The following GNPTAB variants were observed in gnomAD, a reference collection of about 807,000 sequenced individuals.
GNPTAB encodes the protein N-acetylglucosamine-1-phosphotransferase subunits alpha/beta.
GNPTAB carries 92 observed loss-of-function variants against 136.6 expected under a neutral mutation model. The ratio of observed to expected loss-of-function variants is 0.67; its 90% CI spans 0.57 to 0.80. The LOEUF is 0.80. GNPTAB is among the 30% of genes least tolerant of loss of function. The pLI is 0.00. For synonymous variants in GNPTAB, 512 were observed against 535.1 expected (o/e 0.96, Z 0.60); for missense variants, 1,343 against 1,501.8 (o/e 0.89, Z 1.75).
rs142528472 is a variant in GNPTAB at position 101,803,298 on chromosome 12, A to G, written c.118-6536T>C. Among the ~76,000 whole-genome samples the G allele has an allele frequency of 9.8e-4, 150 of 152,362 alleles. 1 individual carries two copies. Among genetic ancestry groups the G allele is most frequent in the Middle Eastern group, 3.4e-3 (1 of 294 alleles). Reference sequence around the variant, plus strand: ...GAGGCACTAAAAGAAAGACTAAGATATATTAAAGATATTTTAAGCTTTATC... The same window carrying G: ...GAGGCACTAAAAGAAAGACTAAGATGTATTAAAGATATTTTAAGCTTTATC... On this transcript the variant is annotated intron_variant, in intron 1 of 20. Coordinates refer to ENST00000299314, the MANE Select transcript of GNPTAB (RefSeq NM_024312.5).
At chr12:101,783,190 T>C (rs1868441968) in intron 5 of GNPTAB, among the ~76,000 whole-genome samples, 1 of 151,932 alleles carries the variant, frequency 6.6e-6, no homozygotes, top group Admixed American at 6.6e-5. Context: ...GTATCTTCAG[T>C]ACAGGGAACA....
At chr12:101,823,993 A>T (rs1870946175) in intron 1 of GNPTAB, among the ~76,000 whole-genome samples, 2 of 152,190 alleles carry the variant, frequency 1.3e-5, no homozygotes, top group African/African-American at 2.4e-5. Context: ...AGTGTCTTCA[A>T]GACATCTGTT....
chr12:101,792,123 A>G (rs1869030345), intron 2 of GNPTAB, among the ~76,000 whole-genome samples: 2 of 152,208 alleles, frequency 1.3e-5, no homozygotes, highest in African/African-American at 4.8e-5. Context: ...TAGGGAGATC[A>G]GAGATGGCCT....
chr12:101,789,833 A>T, intron 3 of GNPTAB, 105 bp downstream of exon 3: 1 of 1,131,028 alleles, frequency 8.8e-7, no homozygotes, highest in Non-Finnish European at 1.3e-6. Context: ...GTAGTTCATT[A>T]GCATGATGAC....
At position 101,770,563 on chromosome 12, in the gene GNPTAB, G is replaced by A; in HGVS notation, c.956C>T (p.Ser319Phe). The change falls in exon 9 of 21, where the codon TCT becomes TTT. Residue 319 changes from serine to phenylalanine, a missense_variant. By Grantham distance (155) the Ser-to-Phe change is radical. Coordinates refer to ENST00000299314, the MANE Select transcript of GNPTAB (RefSeq NM_024312.5). ...ISQSKQDEDI[S>F]ASRFEDNEEL... ...TTCGTTATCTTCAAAACGACTGGCA[G>A]AGATGTCTTCATCCTGCTTAGACTG... 1 of 1,613,534 alleles carries A rather than the reference G, an allele frequency of 6.2e-7. No homozygotes were observed. Among genetic ancestry groups the A allele is most frequent in the Non-Finnish European group, 8.5e-7 (1 of 1,179,462 alleles).
intron 1 of GNPTAB, among the ~76,000 whole-genome samples, chr12:101,808,006 C>T (rs538846353): frequency 6.6e-6 from 1 of 151,904 alleles, no homozygotes; most frequent in Non-Finnish European, 1.5e-5. Context: ...AGGTTAGCAC[C>T]CCCTGCTAAA....
chr12:101,766,987 A>G (rs998556645), intron 11 of GNPTAB, among the ~76,000 whole-genome samples: 19 of 152,344 alleles, frequency 1.2e-4, no homozygotes, highest in African/African-American at 3.6e-4. Context: ...ACCCCTTGTT[A>G]TCAAATGCTA....
chr12:101,800,556 CA>C (rs1869556886), intron 1 of GNPTAB, among the ~76,000 whole-genome samples: 1 of 122,316 alleles, frequency 8.2e-6, no homozygotes, highest in African/African-American at 3.2e-5. Context: ...GTCAGGAGTT[CA>C]AGATCAGCCT....
intron 19 of GNPTAB, 87 bp downstream of exon 19, chr12:101,753,285 A>C: frequency 8.6e-7 from 1 of 1,158,324 alleles, no homozygotes. Context: ...AAATTTCATA[A>C]AAAAAACATT....
At chr12:101,824,429 TATA>T (rs1566103064) in intron 1 of GNPTAB, among the ~76,000 whole-genome samples, 2 of 96,926 alleles carry the variant, frequency 2.1e-5, no homozygotes, top group African/African-American at 3.8e-5. Flanking sequence ...TATATATATA[TATA>T]TTTTCTTTTT....
intron 20 of GNPTAB, among the ~76,000 whole-genome samples, chr12:101,748,105 A>G (rs1465103469): frequency 1.3e-5 from 2 of 152,156 alleles, no homozygotes; most frequent in African/African-American, 2.4e-5. Flanking sequence ...GAGATTTTTC[A>G]TAAGACTTTT....
At chr12:101,785,860 AAATAC>A in intron 5 of GNPTAB, 147 bp downstream of exon 5, 1 of 656,548 alleles carries the variant, frequency 1.5e-6, no homozygotes. Context: ...GTTAAGGCCA[AAATAC>A]AATAGCAGCT....
rs749088847 is a variant in GNPTAB, at chr12:101,761,628, G to T, written c.2851C>A (p.Arg951=). The stretch of plus-strand genomic sequence containing the variant: ...TGAGGCATGTGAGCAGGGACTTTCC[G>T]CGATGTGAATCCAAACTTGCTATTT... The part of the protein sequence containing the change: ...ILNSKFGFTS[R]KVPAHMPHMI... Residue 951 remains arginine, a synonymous_variant, in exon 14 of 21, where the codon CGG becomes AGG. Coordinates refer to ENST00000299314, the MANE Select transcript of GNPTAB (RefSeq NM_024312.5). 8 of 1,614,096 alleles carry T rather than the reference G, an allele frequency of 5.0e-6. No homozygotes were observed. Among genetic ancestry groups the T allele is most frequent in the Non-Finnish European group, 6.8e-6 (8 of 1,179,974 alleles).
At chr12:101,803,379 T>C (rs910934659) in intron 1 of GNPTAB, among the ~76,000 whole-genome samples, 7 of 152,238 alleles carry the variant, frequency 4.6e-5, no homozygotes, top group Non-Finnish European at 1.0e-4. Flanking sequence ...AATCTGCTGA[T>C]TGCCAGCAGC....
chr12:101,769,986 C>A, intron 10 of GNPTAB, 35 bp downstream of exon 10: 1 of 1,601,234 alleles, frequency 6.2e-7, no homozygotes, highest in South Asian at 1.1e-5. Context: ...AAGTGACTTC[C>A]ACGCTAGACA....
intron 5 of GNPTAB, among the ~76,000 whole-genome samples, chr12:101,784,123 A>G (rs953881224): frequency 6.6e-6 from 1 of 152,252 alleles, no homozygotes; most frequent in Non-Finnish European, 1.5e-5. Context: ...AAAAAATTCC[A>G]TGAGAAAAAC....
At chr12:101,776,314 A>C (rs1204591992) in intron 7 of GNPTAB, among the ~76,000 whole-genome samples, 5 of 152,256 alleles carry the variant, frequency 3.3e-5, no homozygotes, top group Non-Finnish European at 7.3e-5. Flanking sequence ...ATCTGAAAAT[A>C]AGGACTGATG....
Position 101,747,115 on chromosome 12 carries a change from TA to T in GNPTAB, c.*48del, listed in dbSNP as rs1321709307. 1 of 1,082,212 alleles carries T rather than the reference TA, an allele frequency of 9.2e-7. No individual in the cohort carries two copies. The highest frequency in any genetic ancestry group is 1.4e-6 in the Non-Finnish European group (1 of 694,800). 67.0% of individuals were successfully genotyped at this position (1,082,212 alleles called of 1,614,324 possible). A position where few individuals can be genotyped will look rare whatever the true frequency, so the allele number is the denominator to read the frequency against. ...AAGACATCTCTGTGAAGCTGAGTTT[TA>T]AAATGCTCAGTAAATGCTGAGGTAG... On this transcript the variant is annotated 3_prime_UTR_variant, in exon 21 of 21. Transcript: ENST00000299314.
chr12:101,771,824 G>A (rs1043678709), intron 7 of GNPTAB, among the ~76,000 whole-genome samples: 2 of 152,174 alleles, frequency 1.3e-5, no homozygotes, highest in African/African-American at 4.8e-5. Context: ...TGACTTCTTT[G>A]CAAGTACACC....
Sources: allele counts gnomAD v4.1 joint callset (sites outside exome capture counted in the v4.1 genomes callset), GRCh38; gene constraint gnomAD v4.1.1; transcripts MANE v1.5; gene names NCBI Gene and HGNC (gene_info 2026-07-23, HGNC 2026-07-21).